ACKR2: variants seen among roughly 807,000 people sequenced by gnomAD.
ACKR2 encodes the protein C-C chemokine receptor D6.
For missense variants in ACKR2, 457 were observed against 477.3 expected, an observed-to-expected ratio of 0.96 and a Z score of 0.40; for synonymous variants, 207 against 192.2, an observed-to-expected ratio of 1.08 and a Z score of -0.64.
intron 1 of ACKR2, among the ~76,000 whole-genome samples, chr3:42,816,206 G>A (rs1310695292): frequency 1.3e-5 from 2 of 151,674 alleles, no homozygotes; most frequent in Non-Finnish European, 2.9e-5. Flanking sequence ...GTGTGTGTGT[G>A]TGTGTGTGTG....
chr3:42,822,260 G>A (rs931923052), intron 2 of ACKR2, among the ~76,000 whole-genome samples: 1 of 151,936 alleles, frequency 6.6e-6, no homozygotes, highest in Non-Finnish European at 1.5e-5. Context: ...AGAATACTTC[G>A]TGATTTTTAT....
At chr3:42,860,936 C>T (rs982767649) in intron 2 of ACKR2, among the ~76,000 whole-genome samples, 1 of 152,114 alleles carries the variant, frequency 6.6e-6, no homozygotes, top group Non-Finnish European at 1.5e-5. Context: ...GACAGCCTAA[C>T]ATCACAATTA....
At chr3:42,844,372 TGGAGTTATTCCACCCAAG>T (rs1410575473) in intron 2 of ACKR2, among the ~76,000 whole-genome samples, 1 of 151,900 alleles carries the variant, frequency 6.6e-6, no homozygotes, top group Admixed American at 6.6e-5. Flanking sequence ...GCACACACCT[TGGAGTTATTCCACCCAAG>T]GGCAAGGGAG....
At chr3:42,861,095 A>G (rs2088380256) in intron 2 of ACKR2, among the ~76,000 whole-genome samples, 1 of 152,216 alleles carries the variant, frequency 6.6e-6, no homozygotes, top group South Asian at 2.1e-4. Flanking sequence ...GAAAAGATCA[A>G]CAAAATAGAT....
intron 2 of ACKR2, among the ~76,000 whole-genome samples, chr3:42,857,295 G>C (rs1169297687): frequency 6.6e-6 from 1 of 152,170 alleles, no homozygotes; most frequent in African/African-American, 2.4e-5. Flanking sequence ...TGGTGGTGAG[G>C]ATGATGGGGA....
chr3:42,862,518 T>A (rs545535189), intron 2 of ACKR2, among the ~76,000 whole-genome samples: 1 of 152,258 alleles, frequency 6.6e-6, no homozygotes. Flanking sequence ...TACTTTAAAT[T>A]TTATATGGAA....
chr3:42,822,411 C>T (rs1226561456), intron 2 of ACKR2, among the ~76,000 whole-genome samples: 3 of 152,168 alleles, frequency 2.0e-5, no homozygotes, highest in East Asian at 1.9e-4. Flanking sequence ...TAAATTAAAG[C>T]TCTCTGTCCC....
intron 2 of ACKR2, among the ~76,000 whole-genome samples, chr3:42,822,559 A>G (rs372172615): frequency 6.6e-6 from 1 of 152,302 alleles, no homozygotes; most frequent in African/African-American, 2.4e-5. Context: ...GGCACAGTTA[A>G]AAATAAAAAC....
At chr3:42,822,813 C>CAAAA (rs71072739) in intron 2 of ACKR2, among the ~76,000 whole-genome samples, 77 of 81,730 alleles carry the variant, frequency 9.4e-4, no homozygotes, top group Middle Eastern at 5.9e-3. Flanking sequence ...GACTCCAGCT[C>CAAAA]AAAAAAAAAA....
At chr3:42,836,057 G>A (rs1297066179) in intron 2 of ACKR2, 1 of 151,998 alleles carries the variant, frequency 6.6e-6, no homozygotes, top group African/African-American at 2.4e-5. Flanking sequence ...GAGAAAGGCA[G>A]GTATTACTAC....
At chr3:42,843,940 G>A (rs1701065977) in intron 2 of ACKR2, 1 of 152,136 alleles carries the variant, frequency 6.6e-6, no homozygotes, top group African/African-American at 2.4e-5. Context: ...ACTCTGATAT[G>A]TGATGTGGGT....
intron 2 of ACKR2, among the ~76,000 whole-genome samples, chr3:42,854,215 A>G (rs1344296229): frequency 6.6e-6 from 1 of 152,204 alleles, no homozygotes; most frequent in East Asian, 1.9e-4. Context: ...CTGGGGGCAC[A>G]GGGGAGGTAG....
chr3:42,864,153 G>C (rs1483888240), intron 2 of ACKR2, among the ~76,000 whole-genome samples: 2 of 152,058 alleles, frequency 1.3e-5, no homozygotes, highest in African/African-American at 4.8e-5. Flanking sequence ...AGACACTATA[G>C]GTCTTTTTAA....
chr3:42,846,831 T>C (rs936975944), intron 2 of ACKR2, among the ~76,000 whole-genome samples: 2 of 152,192 alleles, frequency 1.3e-5, no homozygotes, highest in Admixed American at 1.3e-4. Context: ...GGCTGGGCTA[T>C]GCAGTGGGGG....
chr3:42,860,189 A>AAAAAAAAAAAAAAAACAAAAAAAAC (rs376833790), intron 2 of ACKR2, among the ~76,000 whole-genome samples: 1 of 111,520 alleles, frequency 9.0e-6, no homozygotes, highest in East Asian at 3.7e-4. Flanking sequence ...AAAAAAAAAA[A>AAAAAAAAAAAAAAAACAAAAAAAAC]GCAGGGGATG....
At chr3:42,856,510 A>C in intron 2 of ACKR2, 1 of 675,738 alleles carries the variant, frequency 1.5e-6, no homozygotes, top group Non-Finnish European at 2.7e-6. Context: ...GAAAGGGCTA[A>C]GGAAAATGTT....
chr3:42,828,090 A>ATTTT (rs200255129), intron 2 of ACKR2, among the ~76,000 whole-genome samples: 10 of 91,902 alleles, frequency 1.1e-4, no homozygotes, highest in African/African-American at 3.4e-4. Flanking sequence ...ATATATATAT[A>ATTTT]TATTTTTTTT....
chr3:42,821,180 A>G (rs1248657914), intron 2 of ACKR2, among the ~76,000 whole-genome samples: 2 of 152,284 alleles, frequency 1.3e-5, no homozygotes, highest in East Asian at 3.9e-4. Flanking sequence ...GTGAGCCACC[A>G]TGCCTGGCCT....
intron 2 of ACKR2, among the ~76,000 whole-genome samples, chr3:42,858,760 G>A (rs2088349906): frequency 6.6e-6 from 1 of 151,884 alleles, no homozygotes; most frequent in African/African-American, 2.4e-5. Context: ...CCCAATGCAA[G>A]GAAGCTAAGA....
Sources: allele counts gnomAD v4.1 joint callset (sites outside exome capture counted in the v4.1 genomes callset), GRCh38; gene constraint gnomAD v4.1.1; transcripts MANE v1.5; gene names NCBI Gene and HGNC (gene_info 2026-07-23, HGNC 2026-07-21).